The following WDR7 variants were observed in gnomAD, a reference collection of about 807,000 sequenced individuals.
WDR7 encodes WD repeat-containing protein 7.
A neutral mutation model predicts 169.4 loss-of-function variants in WDR7; 46 were observed. The observed-to-expected ratio is 0.27, with a 90% confidence interval of 0.21 to 0.35. The LOEUF (loss-of-function observed/expected upper bound fraction) is 0.35. Among genes scored for constraint, WDR7 ranks in the 10% least tolerant of loss-of-function variants. The probability of loss-of-function intolerance (pLI) is 1.00; values close to 1 mark genes in which losing one functional copy is unlikely to be tolerated. For synonymous variants in WDR7, 612 were observed against 666.8 expected (o/e 0.92, Z 1.27); for missense variants, 1,534 against 1,859.3 (o/e 0.83, Z 3.22).
intron 26 of WDR7, among the ~76,000 whole-genome samples, chr18:57,005,832 A>C (rs938320465): frequency 6.6e-6 from 1 of 152,222 alleles, no homozygotes; most frequent in Non-Finnish European, 1.5e-5. Flanking sequence ...AAAAAATCTC[A>C]TCTTTTAAGA....
intron 1 of WDR7, among the ~76,000 whole-genome samples, chr18:56,669,396 A>G (rs1454514155): frequency 1.3e-5 from 2 of 152,130 alleles, no homozygotes; most frequent in African/African-American, 4.8e-5. Context: ...TAGTGACAAA[A>G]TGAGAAGTAG....
chr18:56,789,728 C>T (rs186736534), intron 19 of WDR7, among the ~76,000 whole-genome samples: 176 of 152,330 alleles, frequency 1.2e-3, no homozygotes, highest in Non-Finnish European at 1.5e-3. Context: ...AAGTCTCTCC[C>T]TATCTTTATA....
At chr18:56,960,519 A>G (rs903402910) in intron 25 of WDR7, among the ~76,000 whole-genome samples, 20 of 152,200 alleles carry the variant, frequency 1.3e-4, no homozygotes, top group Admixed American at 3.3e-4. Context: ...CACAGAATAA[A>G]TATTTGCTAA....
chr18:56,788,657 A>T (rs1285690977), intron 19 of WDR7, among the ~76,000 whole-genome samples: 2 of 152,106 alleles, frequency 1.3e-5, no homozygotes, highest in African/African-American at 4.8e-5. Flanking sequence ...TTTGAGCAAG[A>T]GTATTCTAAT....
In WDR7 at chr18:56,754,003, A is replaced by G. The variant is rs1258602440; in HGVS notation, c.1990-2580A>G. On this transcript the variant is annotated intron_variant, in intron 14 of 27. Coordinates refer to ENST00000254442, the MANE Select transcript of WDR7 (RefSeq NM_015285.3). Reference sequence around the variant, plus strand: ...GATTGTATATGATTATATGTAATCTAAGAAATATATAGCAATACAAACAAA... The same window carrying G: ...GATTGTATATGATTATATGTAATCTGAGAAATATATAGCAATACAAACAAA... Among the ~76,000 whole-genome samples, 3 of 152,022 alleles carry G rather than the reference A, an allele frequency of 2.0e-5. No homozygotes were observed. The East Asian group carries it at 5.8e-4, about 29-fold the overall frequency.
At chr18:56,738,819 T>C (rs1197419620) in intron 14 of WDR7, among the ~76,000 whole-genome samples, 1 of 144,644 alleles carries the variant, frequency 6.9e-6, no homozygotes, top group Non-Finnish European at 1.5e-5. Context: ...TTTTTTTTTT[T>C]TTTTGCAAAA....
At chr18:57,008,474 G>A (rs1015611022) in intron 26 of WDR7, among the ~76,000 whole-genome samples, 2 of 152,180 alleles carry the variant, frequency 1.3e-5, no homozygotes, top group Non-Finnish European at 2.9e-5. Context: ...AAGCCTGCCT[G>A]TCTCCACCTC....
intron 26 of WDR7, among the ~76,000 whole-genome samples, chr18:56,999,726 C>G (rs2047947898): frequency 6.6e-6 from 1 of 152,100 alleles, no homozygotes; most frequent in Non-Finnish European, 1.5e-5. Flanking sequence ...CTTACACTAT[C>G]ATCTTATACA....
chr18:56,779,789 A>T (rs534239030), intron 18 of WDR7, among the ~76,000 whole-genome samples: 1 of 152,196 alleles, frequency 6.6e-6, no homozygotes, highest in Non-Finnish European at 1.5e-5. Flanking sequence ...GAAGTCTTAT[A>T]TACTTTATGG....
At chr18:56,791,552 A>G (rs1005812499) in intron 19 of WDR7, among the ~76,000 whole-genome samples, 6 of 152,142 alleles carry the variant, frequency 3.9e-5, no homozygotes, top group Non-Finnish European at 4.4e-5. Context: ...TTCAAAGCAA[A>G]TAAATACCAG....
intron 14 of WDR7, among the ~76,000 whole-genome samples, chr18:56,739,861 A>G (rs1190302711): frequency 2.0e-5 from 3 of 147,442 alleles, no homozygotes; most frequent in African/African-American, 7.4e-5. Flanking sequence ...TTTAAATATG[A>G]CATACCTAGA....
In WDR7 at chr18:56,738,798, CTTTTTTTTT is replaced by C. The variant is rs10547813; in HGVS notation, c.1989+7218_1989+7226del. Among the ~76,000 whole-genome samples, 13 of 58,804 alleles carry C rather than the reference CTTTTTTTTT, an allele frequency of 2.2e-4. No homozygotes were observed. The East Asian group carries it at 2.7e-3, about 12-fold the overall frequency. The allele number at this position is 58,804 out of a possible 152,430, so 38.6% of individuals were successfully genotyped here. ...CAGATCATTTAGATAGCATAAAATC[CTTTTTTTTT>C]TTTTTTTTTTTTTTTTGCAAAATGT... On this transcript the variant is annotated intron_variant, in intron 14 of 27. Transcript: ENST00000254442.
At chr18:56,652,216 C>T (rs1426561923) in intron 1 of WDR7, among the ~76,000 whole-genome samples, 1 of 152,122 alleles carries the variant, frequency 6.6e-6, no homozygotes, top group African/African-American at 2.4e-5. Flanking sequence ...CTTTTTGAGG[C>T]AGAATTTGCT....
chr18:56,741,111 T>A lies in WDR7; in HGVS notation c.1989+9514T>A, dbSNP rs35848190. ...AGTGGTGCAAACTGTGGCCTACAGG[T>A]CAATAGGGCCCTTGAGCTATGAATG... is the stretch of plus-strand genomic sequence containing the variant. On this transcript the variant is annotated intron_variant, in intron 14 of 27. Coordinates refer to ENST00000254442, the MANE Select transcript of WDR7 (RefSeq NM_015285.3). 2.2e-3 allele frequency among the ~76,000 whole-genome samples: 333 copies of A among 152,232 alleles called. 1 individual carries two copies. Among genetic ancestry groups the A allele is most frequent in the African/African-American group, 7.7e-3 (319 of 41,556 alleles).
intron 1 of WDR7, among the ~76,000 whole-genome samples, chr18:56,669,070 C>G (rs965699135): frequency 6.6e-6 from 1 of 151,996 alleles, no homozygotes; most frequent in Non-Finnish European, 1.5e-5. Context: ...ATAACTTTGT[C>G]AAGATCACAT....
At chr18:56,707,184 T>G (rs1423237093) in intron 12 of WDR7, among the ~76,000 whole-genome samples, 2 of 152,170 alleles carry the variant, frequency 1.3e-5, no homozygotes, top group East Asian at 3.9e-4. Context: ...GGTTTTACCA[T>G]GTTGGCCAGG....
chr18:56,826,748 A>G (rs1221073856), intron 20 of WDR7, among the ~76,000 whole-genome samples: 1 of 152,216 alleles, frequency 6.6e-6, no homozygotes, highest in Non-Finnish European at 1.5e-5. Flanking sequence ...GATTCAGGGA[A>G]TCAGAACCAG....
chr18:56,862,496 G>T (rs966775544), intron 20 of WDR7, among the ~76,000 whole-genome samples: 1 of 151,336 alleles, frequency 6.6e-6, no homozygotes, highest in Non-Finnish European at 1.5e-5. Flanking sequence ...CTATATTAAA[G>T]AAATATTTGA....
chr18:56,739,871 A>T (rs2043588350), intron 14 of WDR7, among the ~76,000 whole-genome samples: 1 of 131,552 alleles, frequency 7.6e-6, no homozygotes, highest in Admixed American at 8.2e-5. Context: ...ACATACCTAG[A>T]TGTGATTTTT....
Sources: gnomAD v4.1 joint callset for allele counts (sites outside exome capture counted in the v4.1 genomes callset) on GRCh38, gnomAD v4.1.1 for gene constraint, MANE v1.5 for transcripts, NCBI Gene and HGNC (gene_info 2026-07-23, HGNC 2026-07-21) for gene names.